MBTPS1: variants seen among roughly 807,000 people sequenced by gnomAD.
MBTPS1 encodes membrane bound transcription factor peptidase, site 1.
Under a neutral mutation model 127.8 loss-of-function variants are expected in MBTPS1, and 94 were observed. The observed-to-expected ratio is 0.74, with a 90% confidence interval of 0.62 to 0.87. The LOEUF is 0.87. MBTPS1 is among the 40% of genes least tolerant of loss of function. MBTPS1 has a pLI of 0.00. For missense variants in MBTPS1, 1,636 were observed against 1,353.2 expected, an observed-to-expected ratio of 1.21 and a Z score of -3.28; for synonymous variants, 632 against 509.4, an observed-to-expected ratio of 1.24 and a Z score of -3.24.
At chr16:84,099,568 G>C (rs561302254) in intron 2 of MBTPS1, among the ~76,000 whole-genome samples, 6 of 152,042 alleles carry the variant, frequency 3.9e-5, no homozygotes, top group Non-Finnish European at 7.4e-5. Flanking sequence ...GGCAGATTAC[G>C]AGGTGAGGAG....
chr16:84,070,591 T>C lies in MBTPS1; in HGVS notation c.1779A>G (p.Thr593=). 6.2e-7 allele frequency: 1 copy of C among 1,611,672 alleles called. No homozygotes were observed. The highest frequency in any genetic ancestry group is 8.5e-7 in the Non-Finnish European group (1 of 1,179,610). ...VMITVASPAE[T]ESKNGAEQTS... ...CCACTTTCCCGCATATCCCTACCTC[T>C]GTCTCTGCTGGGGAAGCCACAGTGA... The change falls in exon 13 of 23, where the codon ACA becomes ACG. Residue 593 remains threonine, a synonymous_variant. Transcript: ENST00000343411.
intron 11 of MBTPS1, 162 bp downstream of exon 11, chr16:84,081,585 G>C (rs914873002): frequency 2.2e-6 from 1 of 448,070 alleles, no homozygotes. Context: ...AGTTCTGCCA[G>C]CAGCACCCTG....
In MBTPS1 at chr16:84,074,677, T is replaced by C. The variant is rs754172249; in HGVS notation, c.1513A>G (p.Ile505Val). 2 of 1,614,148 alleles carry C rather than the reference T, an allele frequency of 1.2e-6. No homozygotes were observed. Among genetic ancestry groups the C allele is most frequent in the Non-Finnish European group, 1.7e-6 (2 of 1,179,986 alleles). Residue 505 changes from isoleucine to valine, a missense_variant, in exon 12 of 23, where the codon ATC becomes GTC. Coordinates refer to ENST00000343411, the MANE Select transcript of MBTPS1 (RefSeq NM_003791.4). ...ACTGTCGGCATTCCTCCATAGTAGATGGGCTGGGAGCAGTAGGGCCACATG... is the reference window on the plus strand; with the variant it reads ...ACTGTCGGCATTCCTCCATAGTAGACGGGCTGGGAGCAGTAGGGCCACATG... ...PYMWPYCSQP[I>V]YYGGMPTVVN... is the part of the protein sequence containing the mutation.
chr16:84,100,198 G>C (rs1381385809), intron 2 of MBTPS1, among the ~76,000 whole-genome samples: 1 of 152,178 alleles, frequency 6.6e-6, no homozygotes, highest in African/African-American at 2.4e-5. Context: ...GATTGCTTGA[G>C]CTCAGGAGTT....
intron 4 of MBTPS1, among the ~76,000 whole-genome samples, chr16:84,094,101 A>T (rs2086147727): frequency 6.6e-6 from 1 of 151,986 alleles, no homozygotes; most frequent in Admixed American, 6.6e-5. Context: ...TGCCACCAGC[A>T]CTCAGGATAG....
chr16:84,091,183 A>G (rs1047327271), intron 7 of MBTPS1, among the ~76,000 whole-genome samples: 1 of 152,194 alleles, frequency 6.6e-6, no homozygotes, highest in South Asian at 2.1e-4. Flanking sequence ...CACGAATTGC[A>G]TGTTTAGGTA....
Position 84,067,746 on chromosome 16 carries a change from C to T in MBTPS1, c.2149G>A (p.Gly717Ser), listed in dbSNP as rs140509920. The T allele has an allele frequency of 6.2e-6, 10 of 1,613,830 alleles. No individual in the cohort carries two copies. Among genetic ancestry groups the T allele is most frequent in the African/African-American group, 2.7e-5 (2 of 74,912 alleles). ...IAKLRRDVDN[G>S]LSLVIFSDWY... ...TCACTGAAGATGACGAGCGAGAGGC[C>T]GTTGTCCACGTCCCTCCGGAGCTTG... Residue 717 changes from glycine to serine, a missense_variant, in exon 16 of 23, where the codon GGC becomes AGC. Gly to Ser is a moderately conservative substitution (Grantham distance 56). Coordinates refer to ENST00000343411, the MANE Select transcript of MBTPS1 (RefSeq NM_003791.4).
intron 1 of MBTPS1, 112 bp from the exon 2 acceptor site, chr16:84,102,219 G>T (rs1300825797): frequency 6.5e-6 from 1 of 153,662 alleles, no homozygotes; most frequent in African/African-American, 2.4e-5. Flanking sequence ...AAGGTGGCAG[G>T]TGCCTGTAGA....
chr16:84,079,063 G>A (rs574706625), intron 11 of MBTPS1, among the ~76,000 whole-genome samples: 1 of 152,310 alleles, frequency 6.6e-6, no homozygotes. Context: ...CCCTCTGGTG[G>A]TAACTGAGTT....
At chr16:84,072,611 G>A (rs2085786936) in intron 12 of MBTPS1, among the ~76,000 whole-genome samples, 1 of 152,124 alleles carries the variant, frequency 6.6e-6, no homozygotes, top group African/African-American at 2.4e-5. Context: ...CTAACATGGT[G>A]AAACCCGTCT....
In MBTPS1 at chr16:84,085,201, T is replaced by C. The variant is rs1433649337; in HGVS notation, c.1135-67A>G. 11 of 1,486,082 alleles carry C rather than the reference T, an allele frequency of 7.4e-6. No individual in the cohort carries two copies. The Admixed American group carries it at 1.7e-4, about 24-fold the overall frequency. 92.1% of individuals were successfully genotyped at this position (1,486,082 alleles called of 1,614,324 possible). ...GCATACAGCCGCATGCAATCATGAG[T>C]GAATCAAATCAGAACAGAGATATGG... is the stretch of plus-strand genomic sequence containing the variant. On this transcript the variant is annotated intron_variant, in intron 9 of 22. Coordinates refer to ENST00000343411, the MANE Select transcript of MBTPS1 (RefSeq NM_003791.4).
Position 84,101,817 on chromosome 16 carries a change from T to G in MBTPS1, c.-34A>C, listed in dbSNP as rs1180161312. The G allele has an allele frequency of 6.3e-7, 1 of 1,576,202 alleles. No homozygotes were observed. The highest frequency in any genetic ancestry group is 1.8e-5 in the Admixed American group (1 of 54,364). ...GCGAATATGATCATAAAATTGCATA[T>G]ATTCAAATCACACTTTTTTCTTCTT... On this transcript the variant is annotated 5_prime_UTR_variant, in exon 2 of 23. Coordinates refer to ENST00000343411, the MANE Select transcript of MBTPS1 (RefSeq NM_003791.4).
intron 3 of MBTPS1, among the ~76,000 whole-genome samples, 158 bp from the exon 4 acceptor site, chr16:84,095,963 G>T (rs1274862350): frequency 6.6e-6 from 1 of 152,128 alleles, no homozygotes; most frequent in African/African-American, 2.4e-5. Flanking sequence ...CAGTCTCAAT[G>T]CAATTATAAT....
At chr16:84,101,114 T>C (rs981835730) in intron 2 of MBTPS1, among the ~76,000 whole-genome samples, 2 of 150,788 alleles carry the variant, frequency 1.3e-5, no homozygotes, top group African/African-American at 4.9e-5. Context: ...GCCTGGCCAA[T>C]GTGGTGAAAC....
chr16:84,089,576 C>T (rs2086075181), intron 8 of MBTPS1, among the ~76,000 whole-genome samples: 1 of 152,220 alleles, frequency 6.6e-6, no homozygotes, highest in Admixed American at 6.5e-5. Flanking sequence ...GCATCATCAG[C>T]ATTCATGGTG....
chr16:84,099,627 T>C (rs2151167672), intron 2 of MBTPS1, among the ~76,000 whole-genome samples: 1 of 151,812 alleles, frequency 6.6e-6, no homozygotes, highest in East Asian at 1.9e-4. Flanking sequence ...CTACTAAAAA[T>C]ACAAAAAATT....
chr16:84,091,697 G>A, intron 7 of MBTPS1, 35 bp downstream of exon 7: 1 of 1,452,768 alleles, frequency 6.9e-7, no homozygotes, highest in Non-Finnish European at 9.7e-7. Context: ...AGCAGGAGCT[G>A]TCACCCAAAC....
intron 21 of MBTPS1, chr16:84,057,643 C>G: frequency 6.6e-6 from 1 of 152,350 alleles, no homozygotes; most frequent in East Asian, 1.9e-4. Context: ...GGAGCTGTCT[C>G]CTGGTCTCAA....
At chr16:84,092,968 G>A (rs981544905) in intron 6 of MBTPS1, among the ~76,000 whole-genome samples, 2 of 152,212 alleles carry the variant, frequency 1.3e-5, no homozygotes, top group Non-Finnish European at 2.9e-5. Flanking sequence ...CCTCGGCAGG[G>A]TCTTCAGGGT....
Sources: allele counts gnomAD v4.1 joint callset (sites outside exome capture counted in the v4.1 genomes callset), GRCh38; gene constraint gnomAD v4.1.1; transcripts MANE v1.5; gene names NCBI Gene and HGNC (gene_info 2026-07-23, HGNC 2026-07-21).